Variants in SPTBN4 observed in about 807,000 individuals in gnomAD.
The protein encoded by SPTBN4 is spectrin beta chain, non-erythrocytic 4.
A neutral mutation model predicts 277.8 loss-of-function variants in SPTBN4; 96 were observed. The ratio of observed to expected loss-of-function variants is 0.35; its 90% CI spans 0.29 to 0.41. SPTBN4 has a LOEUF of 0.41. SPTBN4 is among the 10% of genes least tolerant of loss of function. The pLI, the probability that SPTBN4 is intolerant of heterozygous loss-of-function variation, is 1.00. For missense variants in SPTBN4, 3,006 were observed against 3,595.7 expected (o/e 0.84, Z 4.19); for synonymous variants, 1,481 against 1,580.3 (o/e 0.94, Z 1.49).
chr19:40,523,781 C>A, intron 17 of SPTBN4, 142 bp downstream of exon 17: 1 of 818,974 alleles, frequency 1.2e-6, no homozygotes, highest in Non-Finnish European at 1.8e-6. Context: ...CTATTTAATT[C>A]CATGTTGTCT....
At chr19:40,534,579 A>G (rs988434750) in intron 20 of SPTBN4, 1 of 553,140 alleles carries the variant, frequency 1.8e-6, no homozygotes, top group Non-Finnish European at 3.2e-6. Context: ...AGAGCCACAA[A>G]GCAGTAGGTA....
At chr19:40,492,675 C>T (rs1391294568) in intron 4 of SPTBN4, among the ~76,000 whole-genome samples, 2 of 152,150 alleles carry the variant, frequency 1.3e-5, no homozygotes, top group African/African-American at 4.8e-5. Context: ...GGCCACCGCA[C>T]TAGCCTAGGC....
intron 18 of SPTBN4, among the ~76,000 whole-genome samples, chr19:40,532,374 G>T (rs539729986): frequency 1.6e-4 from 24 of 152,112 alleles, no homozygotes; most frequent in Non-Finnish European, 2.9e-4. Context: ...CTTCCCTCAG[G>T]ACAGGGGACA....
chr19:40,540,363 C>A (rs542597451), intron 20 of SPTBN4, among the ~76,000 whole-genome samples: 68 of 151,976 alleles, frequency 4.5e-4, no homozygotes, highest in African/African-American at 1.6e-3. Flanking sequence ...TGTTCATATT[C>A]CATTTGGGGC....
chr19:40,467,106 CG>C lies in SPTBN4; in HGVS notation c.-210del. 1 of 149,296 alleles carries C rather than the reference CG, an allele frequency of 6.7e-6. No homozygotes were observed. The highest frequency in any genetic ancestry group is 1.5e-5 in the Non-Finnish European group (1 of 66,620). The allele number at this position is 149,296 out of a possible 1,614,324, so 9.2% of individuals were successfully genotyped here. On this transcript the variant is annotated 5_prime_UTR_variant, in exon 1 of 36. Transcript: ENST00000598249. The stretch of plus-strand genomic sequence containing the variant: ...GGGGACCGCGGGCGGGAGGGGGTCC[CG>C]GGGGCGCGCTGAGCGCGGCGGCGGC...
At chr19:40,539,557 A>G (rs1599781746) in intron 20 of SPTBN4, among the ~76,000 whole-genome samples, 1 of 151,636 alleles carries the variant, frequency 6.6e-6, no homozygotes, top group Non-Finnish European at 1.5e-5. Flanking sequence ...GCTCACTGCA[A>G]CCTCCGCCTC....
rs917139910 is a variant in SPTBN4, at chr19:40,490,560, G to A, written c.495+312G>A. ...GGAAATGGAAGCCCAGATAGGTGGT[G>A]TCATCTGCCCAAGATCACATATACC... On this transcript the variant is annotated intron_variant, in intron 4 of 35. Coordinates refer to ENST00000598249, the MANE Select transcript of SPTBN4 (RefSeq NM_020971.3). The surrounding 1 kb of genome is among the most constrained non-coding windows in gnomAD (Gnocchi z 4.3). 6.6e-6 allele frequency among the ~76,000 whole-genome samples: 1 copy of A among 152,156 alleles called. No individual in the cohort carries two copies. Among genetic ancestry groups the A allele is most frequent in the Non-Finnish European group, 1.5e-5 (1 of 68,026 alleles).
At chr19:40,564,339 A>C (rs1465424454) in intron 27 of SPTBN4, among the ~76,000 whole-genome samples, 2 of 152,308 alleles carry the variant, frequency 1.3e-5, no homozygotes, top group African/African-American at 2.4e-5. Flanking sequence ...ACAACAACAA[A>C]AAACTATTAA....
At chr19:40,483,074 T>A (rs1219699523) in intron 2 of SPTBN4, among the ~76,000 whole-genome samples, 1 of 151,984 alleles carries the variant, frequency 6.6e-6, no homozygotes, top group African/African-American at 2.4e-5. Context: ...AAATCGATGA[T>A]CCCCCAGAAT....
intron 20 of SPTBN4, among the ~76,000 whole-genome samples, chr19:40,537,015 A>G (rs1332797832): frequency 1.4e-5 from 2 of 145,330 alleles, no homozygotes; most frequent in East Asian, 2.0e-4. Context: ...TTATTGAACT[A>G]AAAAAAAAAA....
intron 2 of SPTBN4, among the ~76,000 whole-genome samples, chr19:40,482,217 G>A (rs11671908): frequency 0.045 from 6,865 of 152,062 alleles, 307 homozygotes; most frequent in African/African-American, 0.11. Flanking sequence ...GATTACAGGC[G>A]TGAGCCACCA....
intron 31 of SPTBN4, among the ~76,000 whole-genome samples, chr19:40,569,407 A>G (rs1006775730): frequency 1.3e-5 from 2 of 148,784 alleles, no homozygotes; most frequent in African/African-American, 5.0e-5. Context: ...AGCCTGGGCA[A>G]CAGAGAAAGA....
chr19:40,540,540 C>T (rs1029329570), intron 20 of SPTBN4, among the ~76,000 whole-genome samples: 1 of 151,958 alleles, frequency 6.6e-6, no homozygotes, highest in East Asian at 2.0e-4. Context: ...CTGCACCTGG[C>T]CCCAAAACAC....
chr19:40,570,610 G>T lies in SPTBN4; in HGVS notation c.7201G>T (p.Ala2401Ser). Reference sequence around the variant, plus strand: ...CGGGGGAAGCCGGCGCTCGCGCTCCGCCCCGGCCCAGGGCGGCTCCGCCCC... The same window carrying T: ...CGGGGGAAGCCGGCGCTCGCGCTCCTCCCCGGCCCAGGGCGGCTCCGCCCC... Reference protein sequence around the residue: ...EGGGSRRSRSAPAQGGSAPAP... With the variant: ...EGGGSRRSRSSPAQGGSAPAP... Residue 2401 changes from alanine (A) to serine (S), a missense_variant, in exon 33 of 36, where the codon GCC (alanine) becomes TCC (serine). Ala to Ser is a moderately conservative substitution (Grantham distance 99). Transcript: ENST00000598249. The T allele has an allele frequency of 1.4e-6, 2 of 1,409,430 alleles. No homozygotes were observed. Among genetic ancestry groups the T allele is most frequent in the African/African-American group, 1.5e-5 (1 of 66,502 alleles). The allele number at this position is 1,409,430 out of a possible 1,614,324, so 87.3% of individuals were successfully genotyped here. A position where few individuals can be genotyped will look rare whatever the true frequency, so the allele number is the denominator to read the frequency against.
At chr19:40,524,039 ACCT>A (rs1430729238) in intron 17 of SPTBN4, among the ~76,000 whole-genome samples, 2 of 151,836 alleles carry the variant, frequency 1.3e-5, no homozygotes, top group Non-Finnish European at 2.9e-5. Context: ...TTGACCACCC[ACCT>A]TGGCCTCCCA....
At chr19:40,475,664 G>A (rs1288822209) in intron 2 of SPTBN4, among the ~76,000 whole-genome samples, 2 of 147,944 alleles carry the variant, frequency 1.4e-5, no homozygotes, top group East Asian at 4.1e-4. Context: ...GTTTCACCAT[G>A]ATGGCCAGGC....
Position 40,560,144 on chromosome 19 carries a change from T to C in SPTBN4, c.5671-15T>C. Reference sequence around the variant, plus strand: ...CCCCGTGGAGGGCTGGCGCCCGACCTGGCATGCCCTTCAGGTACGGCAGCT... The same window carrying C: ...CCCCGTGGAGGGCTGGCGCCCGACCCGGCATGCCCTTCAGGTACGGCAGCT... On this transcript the variant is annotated splice_polypyrimidine_tract_variant and intron_variant, in intron 26 of 35. Transcript: ENST00000598249. This position sits in a 1 kb window ranked among gnomAD's most constrained non-coding sequence, Gnocchi z 5.2. 2 of 1,582,254 alleles carry C rather than the reference T, an allele frequency of 1.3e-6. No homozygotes were observed. Among genetic ancestry groups the C allele is most frequent in the Non-Finnish European group, 1.7e-6 (2 of 1,168,388 alleles).
chr19:40,554,496 T>C lies in SPTBN4; in HGVS notation c.4954-20T>C. On this transcript the variant is annotated intron_variant, in intron 23 of 35. Coordinates refer to ENST00000598249, the MANE Select transcript of SPTBN4 (RefSeq NM_020971.3). This position sits in a 1 kb window ranked among gnomAD's most constrained non-coding sequence, Gnocchi z 5.7. The stretch of plus-strand genomic sequence containing the variant: ...GGGGGCCGCCGCTGCCGCCTCATCG[T>C]GGGCGCTTTGTGCCCCCAGGACGAA... The C allele has an allele frequency of 1.3e-6, 2 of 1,481,478 alleles. No homozygotes were observed. The highest frequency in any genetic ancestry group is 1.8e-6 in the Non-Finnish European group (2 of 1,112,338). 91.8% of individuals were successfully genotyped at this position (1,481,478 alleles called of 1,614,324 possible).
Position 40,502,142 on chromosome 19 carries a change from A to C in SPTBN4, c.912A>C (p.Val304=), listed in dbSNP as rs814526. The stretch of plus-strand genomic sequence containing the variant: ...TGCTGTGTCAGGTCTTGGACCAGGT[A>C]TTGGAGGTGGGGAAGATCATAGAAC... The part of the protein sequence containing the change: ...GKRIGKVLDQ[V]LEVGKIIERY... The change falls in exon 9 of 36, where the codon GTA becomes GTC. Residue 304 remains valine, a synonymous_variant. Transcript: ENST00000598249. This position sits in a 1 kb window ranked among gnomAD's most constrained non-coding sequence, Gnocchi z 4.9. The C allele has an allele frequency of 1.5e-5, 24 of 1,613,414 alleles. No homozygotes were observed. In the African/African-American group the frequency reaches 2.9e-4, roughly 20 times the overall value.
Sources: allele counts gnomAD v4.1 joint callset (sites outside exome capture counted in the v4.1 genomes callset), GRCh38; gene constraint gnomAD v4.1.1; non-coding constraint Gnocchi (gnomAD v3.1); transcripts MANE v1.5; gene names NCBI Gene and HGNC (gene_info 2026-07-23, HGNC 2026-07-21).